NOTCH2: variants seen among roughly 807,000 people sequenced by gnomAD.
NOTCH2 encodes notch receptor 2.
In NOTCH2, 29 loss-of-function variants were observed where a neutral mutation model predicts 235.8. The observed-to-expected ratio is 0.12, with a 90% CI of 0.09 to 0.17. The LOEUF is 0.17. NOTCH2 is among the 10% of genes least tolerant of loss of function. The probability of loss-of-function intolerance (pLI) is 1.00; values close to 1 mark genes in which losing one functional copy is unlikely to be tolerated. For missense variants in NOTCH2, 2,285 were observed against 3,150.2 expected (o/e 0.73, Z 6.57); for synonymous variants, 1,086 against 1,141.5 (o/e 0.95, Z 0.98).
chr1:119,999,115 G>C (rs61786989), intron 3 of NOTCH2, among the ~76,000 whole-genome samples: 1 of 140,948 alleles, frequency 7.1e-6, no homozygotes, highest in South Asian at 2.4e-4. Flanking sequence ...TTGGTTCCAA[G>C]TCTTTGCTAT....
At chr1:120,010,968 A>T (rs1394578261) in intron 2 of NOTCH2, among the ~76,000 whole-genome samples, 3 of 152,240 alleles carry the variant, frequency 2.0e-5, no homozygotes, top group African/African-American at 7.2e-5. Flanking sequence ...TACATGCTAC[A>T]ACATGCATGA....
Position 119,925,315 on chromosome 1 carries a change from T to G in NOTCH2, c.4501A>C (p.Lys1501Gln). The stretch of plus-strand genomic sequence containing the variant: ...ACGTGAAGCCCTTACTTGCATGTCT[T>G]GCTGTTCCCCTGGCATTCAAAGTTG... ...FDNFECQGNS[K>Q]TCKYDKYCAD... is the part of the protein sequence containing the mutation. The change falls in exon 25 of 34, where the codon AAG (lysine) becomes CAG (glutamine). Residue 1501 changes from lysine to glutamine, a missense_variant. Lys to Gln is a moderately conservative substitution (Grantham distance 53, BLOSUM62 1). Transcript: ENST00000256646. 6.2e-7 allele frequency: 1 copy of G among 1,613,830 alleles called. No homozygotes were observed. The highest frequency in any genetic ancestry group is 1.1e-5 in the South Asian group (1 of 91,054).
At chr1:119,916,881 TA>T (rs1045742113) in intron 33 of NOTCH2, among the ~76,000 whole-genome samples, 187 bp from the exon 34 acceptor site, 7 of 152,178 alleles carry the variant, frequency 4.6e-5, no homozygotes, top group East Asian at 3.9e-4. Flanking sequence ...GATTTACACA[TA>T]AAAAAAGTAA....
intron 12 of NOTCH2, among the ~76,000 whole-genome samples, chr1:119,957,885 A>ACACACAC (rs1553198569): frequency 1.3e-5 from 1 of 76,962 alleles, no homozygotes; most frequent in Non-Finnish European, 3.3e-5. Context: ...CACACACACA[A>ACACACAC]CAGGCCCCTA....
In NOTCH2 at chr1:119,953,480, C is replaced by T. The variant is rs180700207; in HGVS notation, c.2365+63G>A. Reference sequence around the variant, plus strand: ...GAGAAAAGGAAACTAAGAAGTGAGTCAAGCAGTATGCAACAACAAGAAGAC... The same window carrying T: ...GAGAAAAGGAAACTAAGAAGTGAGTTAAGCAGTATGCAACAACAAGAAGAC... On this transcript the variant is annotated intron_variant, in intron 14 of 33. Coordinates refer to ENST00000256646, the MANE Select transcript of NOTCH2 (RefSeq NM_024408.4). The T allele has an allele frequency of 7.8e-6, 12 of 1,545,068 alleles. No homozygotes were observed. In the Admixed American group the frequency reaches 2.0e-4, roughly 26 times the overall value.
At chr1:119,918,080 G>A (rs1649150733) in intron 32 of NOTCH2, among the ~76,000 whole-genome samples, 1 of 152,124 alleles carries the variant, frequency 6.6e-6, no homozygotes, top group Non-Finnish European at 1.5e-5. Flanking sequence ...TTTATATTGA[G>A]AATATTCTAC....
rs587757019 is a variant in NOTCH2 at position 119,978,985 on chromosome 1, A to G, written c.874+7975T>C. Among the ~76,000 whole-genome samples, 14 of 152,338 alleles carry G rather than the reference A, an allele frequency of 9.2e-5. No individual in the cohort carries two copies. The South Asian group carries it at 2.7e-3, about 29-fold the overall frequency. The stretch of plus-strand genomic sequence containing the variant: ...TATTGATGAAAAGCACACTGGGAAA[A>G]TTATTCACTTACAGGAGCTAATACA... On this transcript the variant is annotated intron_variant, in intron 5 of 33. Transcript: ENST00000256646.
chr1:119,920,535 T>C, intron 29 of NOTCH2, 138 bp from the exon 30 acceptor site: 1 of 976,492 alleles, frequency 1.0e-6, no homozygotes, highest in Non-Finnish European at 1.6e-6. Context: ...CTCCAGAGGA[T>C]TACCTCAGCC....
chr1:119,960,003 T>C (rs1328879643), intron 11 of NOTCH2, among the ~76,000 whole-genome samples: 17 of 152,348 alleles, frequency 1.1e-4, no homozygotes, highest in African/African-American at 4.1e-4. Context: ...TTCTGTGGCA[T>C]GCCAAGTATG....
chr1:119,989,227 T>G (rs1259020624), intron 4 of NOTCH2, among the ~76,000 whole-genome samples: 1 of 152,170 alleles, frequency 6.6e-6, no homozygotes, highest in Non-Finnish European at 1.5e-5. Context: ...TTGTAAAGAT[T>G]AAACGAATTA....
chr1:119,920,485 CT>C, intron 29 of NOTCH2, 88 bp from the exon 30 acceptor site: 1 of 1,395,160 alleles, frequency 7.2e-7, no homozygotes, highest in Non-Finnish European at 1.0e-6. Flanking sequence ...ACCACCGCTG[CT>C]TATCTCCCAT....
chr1:119,950,887 C>A, intron 14 of NOTCH2, 50 bp from the exon 15 acceptor site: 1 of 1,156,378 alleles, frequency 8.6e-7, no homozygotes, highest in Non-Finnish European at 1.3e-6. Flanking sequence ...CTGACAGCCT[C>A]ATCAATTTCT....
intron 15 of NOTCH2, chr1:119,950,448 T>C: frequency 1.7e-6 from 1 of 585,574 alleles, no homozygotes; most frequent in Non-Finnish European, 3.2e-6. Context: ...ACAACCATCA[T>C]CTATGTGCCT....
In NOTCH2 at chr1:119,923,950, T is replaced by C; in HGVS notation, c.4546A>G (p.Asn1516Asp). The C allele has an allele frequency of 6.2e-7, 1 of 1,614,186 alleles. No homozygotes were observed. Among genetic ancestry groups the C allele is most frequent in the Non-Finnish European group, 8.5e-7 (1 of 1,180,026 alleles). The change falls in exon 26 of 34, where the codon AAC becomes GAC. Residue 1516 changes from asparagine (N) to aspartate (D), a missense_variant. By Grantham distance (23) the Asn-to-Asp change is conservative. This residue lies in a region of NOTCH2 where 1,173 missense variants were observed against 1,515.3 expected (regional missense o/e 0.77). Coordinates refer to ENST00000256646, the MANE Select transcript of NOTCH2 (RefSeq NM_024408.4). ...CTGTTGCACCCCTGGTCACAGTGGT[T>C]GTCTTTGAAGTGGTCTGCACAGTAT... ...DKYCADHFKDNHCDQGCNSEE... is the reference protein window; with the variant it reads ...DKYCADHFKDDHCDQGCNSEE...
At chr1:119,923,494 G>T (rs1649358050) in intron 26 of NOTCH2, 143 bp downstream of exon 26, 2 of 752,224 alleles carry the variant, frequency 2.7e-6, no homozygotes, top group Non-Finnish European at 4.6e-6. Context: ...CGTAAGTACT[G>T]GGGTAACGGG....
chr1:119,968,945 C>A (rs1330692974), intron 6 of NOTCH2, among the ~76,000 whole-genome samples: 4 of 152,232 alleles, frequency 2.6e-5, no homozygotes, highest in African/African-American at 7.2e-5. Flanking sequence ...GTTCTCCCAG[C>A]TAAATTATCT....
intron 29 of NOTCH2, among the ~76,000 whole-genome samples, chr1:119,921,053 T>C (rs1446255206): frequency 6.6e-6 from 1 of 152,232 alleles, no homozygotes; most frequent in Non-Finnish European, 1.5e-5. Flanking sequence ...GAAGGATAAT[T>C]ACAAAGAGGT....
In NOTCH2 at chr1:119,913,582, ACTATTC is replaced by A; in HGVS notation, c.*1718_*1723del. 4.3e-6 allele frequency: 1 copy of A among 233,302 alleles called. No individual in the cohort carries two copies. The highest frequency in any genetic ancestry group is 8.5e-6 in the Non-Finnish European group (1 of 118,054). 14.5% of individuals were successfully genotyped at this position (233,302 alleles called of 1,614,324 possible). The stretch of plus-strand genomic sequence containing the variant: ...CTGGCCCAAGGAGAAGAGGAAGAAA[ACTATTC>A]TTTATCTACAATTAACTAAAATGCT... On this transcript the variant is annotated 3_prime_UTR_variant, in exon 34 of 34. Transcript: ENST00000256646.
In NOTCH2 at chr1:119,915,962, T is replaced by G. The variant is rs1427113995; in HGVS notation, c.6760A>C (p.Met2254Leu). ...LHPVPVPADWMNRMEVNETQY... is the reference protein window; with the variant it reads ...LHPVPVPADWLNRMEVNETQY... ...GTCTCATTCACCTCCATGCGGTTCA[T>G]CCAATCTGCTGGGACTGGGACTGGA... The change falls in exon 34 of 34, where the codon ATG (methionine) becomes CTG (leucine). Residue 2254 changes from methionine (M) to leucine (L), a missense_variant. Around this residue, in one of 6 missense-constraint regions of NOTCH2, gnomAD observed 504 missense variants for 538.0 expected, o/e 0.94. Transcript: ENST00000256646. The G allele has an allele frequency of 6.2e-7, 1 of 1,614,088 alleles. No homozygotes were observed. Among genetic ancestry groups the G allele is most frequent in the Non-Finnish European group, 8.5e-7 (1 of 1,180,032 alleles).
Sources: gnomAD v4.1 joint callset for allele counts (sites outside exome capture counted in the v4.1 genomes callset) on GRCh38, gnomAD v4.1.1 for gene constraint, gnomAD v4.1.1 regional missense constraint, MANE v1.5 for transcripts, NCBI Gene and HGNC (gene_info 2026-07-23, HGNC 2026-07-21) for gene names.